TFPI: variants seen among roughly 807,000 people sequenced by gnomAD.
TFPI encodes tissue factor pathway inhibitor.
Under a neutral mutation model 34.6 loss-of-function variants are expected in TFPI, and 15 were observed. That is an observed-to-expected ratio of 0.43 (90% confidence interval 0.29 to 0.67). The LOEUF (loss-of-function observed/expected upper bound fraction) is 0.67, where lower values mean the gene tolerates loss of function less well. Ranked by LOEUF, TFPI falls within the 30% of genes least tolerant of loss-of-function variation. The probability of loss-of-function intolerance (pLI) is 0.15; values close to 1 mark genes in which losing one functional copy is unlikely to be tolerated. For synonymous variants in TFPI, 105 were observed against 120.1 expected (o/e 0.87, Z 0.82); for missense variants, 301 against 364.0 (o/e 0.83, Z 1.41).
intron 4 of TFPI, among the ~76,000 whole-genome samples, chr2:187,488,020 A>G (rs767120357): frequency 3.3e-5 from 5 of 151,390 alleles, no homozygotes; most frequent in African/African-American, 4.8e-5. Flanking sequence ...ACTAAATATC[A>G]TACTACATTA....
chr2:187,503,794 T>A, intron 1 of TFPI, 24 bp from the exon 2 acceptor site: 2 of 1,608,214 alleles, frequency 1.2e-6, no homozygotes, highest in Non-Finnish European at 1.7e-6. Context: ...CCCATACATA[T>A]CTAATAAATA....
intron 6 of TFPI, among the ~76,000 whole-genome samples, chr2:187,470,071 G>A (rs966357637): frequency 6.6e-6 from 1 of 152,052 alleles, no homozygotes; most frequent in African/African-American, 2.4e-5. Flanking sequence ...AGAGAAAACA[G>A]GAAATTACTA....
At chr2:187,539,983 C>T (rs1193320861) in intron 1 of TFPI, among the ~76,000 whole-genome samples, 1 of 150,874 alleles carries the variant, frequency 6.6e-6, no homozygotes, top group Non-Finnish European at 1.5e-5. Flanking sequence ...ACTGCAACTT[C>T]CGCCTCCCGG....
chr2:187,499,797 T>C (rs1685731482), intron 2 of TFPI, among the ~76,000 whole-genome samples: 2 of 152,138 alleles, frequency 1.3e-5, no homozygotes, highest in African/African-American at 4.8e-5. Context: ...CTGTAGAAAT[T>C]CTCATATAAT....
chr2:187,521,371 T>A (rs573732116), intron 1 of TFPI, among the ~76,000 whole-genome samples: 2 of 152,190 alleles, frequency 1.3e-5, no homozygotes, highest in South Asian at 4.1e-4. Flanking sequence ...CATATCTTGG[T>A]TATTGTGAGT....
intron 5 of TFPI, 30 bp downstream of exon 5, chr2:187,484,781 G>T: frequency 6.4e-7 from 1 of 1,552,714 alleles, no homozygotes; most frequent in South Asian, 1.3e-5. Flanking sequence ...GCCTATAAAT[G>T]AACTAAAATG....
At chr2:187,521,438 T>C (rs963607393) in intron 1 of TFPI, among the ~76,000 whole-genome samples, 2 of 152,104 alleles carry the variant, frequency 1.3e-5, no homozygotes, top group East Asian at 1.9e-4. Context: ...ATTTTAATTC[T>C]TTTTTTATAT....
At position 187,488,293 on chromosome 2, in the gene TFPI, G is replaced by A. The variant is rs765564298; in HGVS notation, c.358+44C>T. 1 of 1,494,466 alleles carries A rather than the reference G, an allele frequency of 6.7e-7. No homozygotes were observed. The highest frequency in any genetic ancestry group is 9.1e-7 in the Non-Finnish European group (1 of 1,104,510). The allele number at this position is 1,494,466 out of a possible 1,614,324, so 92.6% of individuals were successfully genotyped here. A position where few individuals can be genotyped will look rare whatever the true frequency, so the allele number is the denominator to read the frequency against. On this transcript the variant is annotated intron_variant, in intron 4 of 7. Transcript: ENST00000233156. ...CAAACAAAAAATTGAATATCTAAAT[G>A]CCTTACATAAATGCTTCAAATTTAC...
chr2:187,507,501 GTTT>G (rs1314211065), intron 1 of TFPI, among the ~76,000 whole-genome samples: 2 of 152,054 alleles, frequency 1.3e-5, no homozygotes, highest in Admixed American at 6.6e-5. Context: ...GTATAAAAGA[GTTT>G]TTATTTCTCC....
intron 1 of TFPI, among the ~76,000 whole-genome samples, chr2:187,507,785 C>G (rs1237960225): frequency 2.0e-5 from 3 of 152,096 alleles, no homozygotes; most frequent in Non-Finnish European, 2.9e-5. Flanking sequence ...ATGATTGTTT[C>G]TTTTGCTTTG....
chr2:187,501,019 G>A (rs1349560542), intron 2 of TFPI, among the ~76,000 whole-genome samples: 1 of 152,136 alleles, frequency 6.6e-6, no homozygotes, highest in Non-Finnish European at 1.5e-5. Context: ...AAAGTCCTGG[G>A]TGCTGTGCGA....
At chr2:187,540,303 A>G (rs1206699571) in intron 1 of TFPI, among the ~76,000 whole-genome samples, 1 of 152,204 alleles carries the variant, frequency 6.6e-6, no homozygotes, top group Non-Finnish European at 1.5e-5. Context: ...ATAAGATGGA[A>G]AAAACATAGT....
chr2:187,543,982 A>AC (rs1688718184), intron 1 of TFPI, among the ~76,000 whole-genome samples: 1 of 152,042 alleles, frequency 6.6e-6, no homozygotes, highest in Non-Finnish European at 1.5e-5. Flanking sequence ...TATAGGAAAA[A>AC]CCTGGTTCCT....
intron 1 of TFPI, among the ~76,000 whole-genome samples, chr2:187,528,286 G>A (rs1687781099): frequency 6.6e-6 from 1 of 152,056 alleles, no homozygotes; most frequent in African/African-American, 2.4e-5. Flanking sequence ...TCACCCAACA[G>A]TCAAACCCTG....
At chr2:187,472,294 A>G (rs2105959756) in intron 6 of TFPI, among the ~76,000 whole-genome samples, 1 of 152,324 alleles carries the variant, frequency 6.6e-6, no homozygotes, top group East Asian at 1.9e-4. Context: ...ATTTAGTCAA[A>G]TGGACATATG....
intron 1 of TFPI, among the ~76,000 whole-genome samples, chr2:187,524,042 A>G (rs1368123694): frequency 1.3e-5 from 2 of 152,094 alleles, no homozygotes; most frequent in East Asian, 1.9e-4. Context: ...TTCACTTAGC[A>G]TACTGTTTTC....
At chr2:187,478,316 C>A (rs1004488645) in intron 6 of TFPI, among the ~76,000 whole-genome samples, 2 of 152,048 alleles carry the variant, frequency 1.3e-5, no homozygotes, top group Non-Finnish European at 2.9e-5. Flanking sequence ...GCCGAGATCG[C>A]GCCATTGCAC....
chr2:187,542,941 A>G (rs1314170378), intron 1 of TFPI, among the ~76,000 whole-genome samples: 2 of 152,154 alleles, frequency 1.3e-5, no homozygotes, highest in African/African-American at 4.8e-5. Context: ...TGCCTTAAAA[A>G]TTCAGCATTT....
chr2:187,548,491 A>G (rs886446132), intron 1 of TFPI, among the ~76,000 whole-genome samples: 1 of 152,108 alleles, frequency 6.6e-6, no homozygotes, highest in Admixed American at 6.6e-5. Flanking sequence ...AAGTGCAAGT[A>G]TATACTTGCA....
Sources: gnomAD v4.1 joint callset for allele counts (sites outside exome capture counted in the v4.1 genomes callset) on GRCh38, gnomAD v4.1.1 for gene constraint, MANE v1.5 for transcripts, NCBI Gene and HGNC (gene_info 2026-07-23, HGNC 2026-07-21) for gene names.